Variants in REDIC1 observed in about 807,000 individuals in gnomAD.
The protein encoded by REDIC1 is HEI10 Interacting Protein 1.
the REDIC1 span, among the ~76,000 whole-genome samples, chr12:39,700,070 C>T: frequency 4.6e-5 from 7 of 152,260 alleles, no homozygotes; most frequent in African/African-American, 9.6e-5. Flanking sequence ...TCACCAGCAA[C>T]GGAACAAAGC....
the REDIC1 span, among the ~76,000 whole-genome samples, chr12:39,626,831 T>C: frequency 1.3e-5 from 2 of 152,230 alleles, no homozygotes; most frequent in Admixed American, 6.5e-5. Flanking sequence ...TAAATCCAAA[T>C]TGTAGTTTGT....
chr12:39,754,455 A>C, the REDIC1 span: 1 of 152,134 alleles, frequency 6.6e-6, no homozygotes, highest in Non-Finnish European at 1.5e-5. Context: ...CCTTTGAATG[A>C]CAGTAGGTCT....
chr12:39,905,264 TTCA>T, the REDIC1 span, among the ~76,000 whole-genome samples: 1 of 152,084 alleles, frequency 6.6e-6, no homozygotes, highest in Non-Finnish European at 1.5e-5. Flanking sequence ...ACACCCTGCA[TTCA>T]TCATCTCTGT....
the REDIC1 span, among the ~76,000 whole-genome samples, chr12:39,888,255 C>T: frequency 1.3e-5 from 2 of 152,094 alleles, no homozygotes; most frequent in African/African-American, 4.8e-5. Context: ...GAAGGAGTCT[C>T]ACTCTGTCAC....
chr12:39,816,681 A>T, the REDIC1 span, among the ~76,000 whole-genome samples: 1 of 152,038 alleles, frequency 6.6e-6, no homozygotes, highest in African/African-American at 2.4e-5. Context: ...AATTCACTTA[A>T]TTTTTAAAAA....
At chr12:39,639,918 C>T in the REDIC1 span, among the ~76,000 whole-genome samples, 4 of 151,818 alleles carry the variant, frequency 2.6e-5, no homozygotes, top group Non-Finnish European at 4.4e-5. Context: ...TCTGGTAATA[C>T]TGTCATGAAT....
At chr12:39,830,597 C>A in the REDIC1 span, 1 of 445,794 alleles carries the variant, frequency 2.2e-6, no homozygotes, top group Non-Finnish European at 3.0e-6. Context: ...TGACTGGTTC[C>A]AAGTTGCATC....
chr12:39,779,722 ACTGT>A, the REDIC1 span, among the ~76,000 whole-genome samples: 6 of 152,210 alleles, frequency 3.9e-5, no homozygotes, highest in African/African-American at 1.4e-4. Context: ...TTAAAACGTG[ACTGT>A]CTGTGATGGT....
At chr12:39,853,786 C>G in the REDIC1 span, among the ~76,000 whole-genome samples, 1 of 152,098 alleles carries the variant, frequency 6.6e-6, no homozygotes, top group Non-Finnish European at 1.5e-5. Context: ...GTTTAGGAAT[C>G]TGTGCAGCAA....
At chr12:39,828,311 A>G in the REDIC1 span, among the ~76,000 whole-genome samples, 1 of 152,022 alleles carries the variant, frequency 6.6e-6, no homozygotes, top group Non-Finnish European at 1.5e-5. Context: ...TATGCTGTGA[A>G]CATCATTTTT....
chr12:39,706,785 C>A, the REDIC1 span, among the ~76,000 whole-genome samples: 1 of 151,762 alleles, frequency 6.6e-6, no homozygotes, highest in African/African-American at 2.4e-5. Flanking sequence ...AATGCTGCAG[C>A]GAAAACTGGT....
the REDIC1 span, among the ~76,000 whole-genome samples, chr12:39,652,526 T>C: frequency 6.6e-6 from 1 of 152,152 alleles, no homozygotes; most frequent in African/African-American, 2.4e-5. Context: ...CATGTGTGAC[T>C]CTGGTGAAAT....
the REDIC1 span, among the ~76,000 whole-genome samples, chr12:39,799,093 T>C: frequency 1.3e-5 from 2 of 148,468 alleles, no homozygotes; most frequent in East Asian, 3.9e-4. Context: ...TTTTTTTTTT[T>C]TTTAGACTCA....
chr12:39,636,231 G>A, the REDIC1 span, among the ~76,000 whole-genome samples: 276 of 152,136 alleles, frequency 1.8e-3, no homozygotes, highest in African/African-American at 6.1e-3. Flanking sequence ...CAAGAATTCG[G>A]TCTCCGAGAA....
chr12:39,711,569 ATG>A, the REDIC1 span, among the ~76,000 whole-genome samples: 1 of 86,386 alleles, frequency 1.2e-5, no homozygotes, highest in South Asian at 3.8e-4. Context: ...GCATGTGTAT[ATG>A]TGCATACACA....
At chr12:39,694,489 A>G in the REDIC1 span, among the ~76,000 whole-genome samples, 1 of 152,160 alleles carries the variant, frequency 6.6e-6, no homozygotes, top group Non-Finnish European at 1.5e-5. Flanking sequence ...CTATCTTGTT[A>G]TAACAGAAAG....
the REDIC1 span, among the ~76,000 whole-genome samples, chr12:39,896,855 G>C: frequency 1.3e-5 from 2 of 152,078 alleles, no homozygotes; most frequent in Admixed American, 6.6e-5. Flanking sequence ...AATTTTTATA[G>C]CTAGAATCAA....
At chr12:39,819,962 T>A in the REDIC1 span, 2 of 152,296 alleles carry the variant, frequency 1.3e-5, no homozygotes, top group Admixed American at 6.5e-5. Flanking sequence ...TCTTTATCTT[T>A]GCAGGTATAA....
At chr12:39,896,546 G>A in the REDIC1 span, among the ~76,000 whole-genome samples, 179 of 141,172 alleles carry the variant, frequency 1.3e-3, 10 homozygotes, top group South Asian at 0.035. Context: ...GTATGTATGT[G>A]TGTATACATG....
Sources: allele counts gnomAD v4.1 joint callset (sites outside exome capture counted in the v4.1 genomes callset), GRCh38; gene constraint gnomAD v4.1.1; transcripts MANE v1.5; gene names NCBI Gene and HGNC (gene_info 2026-07-23, HGNC 2026-07-21).